The following PCDHGB3 variants were observed in gnomAD, a reference collection of about 807,000 sequenced individuals.
PCDHGB3 encodes protocadherin gamma-B3.
PCDHGB3 carries 40 observed loss-of-function variants against 59.2 expected under a neutral mutation model. The observed-to-expected ratio is 0.68, with a 90% CI of 0.52 to 0.88. The LOEUF is 0.88. Ranked by LOEUF, PCDHGB3 falls within the 40% of genes least tolerant of loss-of-function variation. The pLI is 0.00. For synonymous variants in PCDHGB3, 581 were observed against 503.6 expected, an observed-to-expected ratio of 1.15 and a Z score of -2.06; for missense variants, 1,309 against 1,187.9, an observed-to-expected ratio of 1.10 and a Z score of -1.50.
In PCDHGB3 at chr5:141,491,764, C is replaced by T; in HGVS notation, c.2416-3043C>T. The stretch of plus-strand genomic sequence containing the variant: ...CGGCACTGGAGAAGCCGCCCGTCCT[C>T]ATAAGGGATTGAACTTGCATCCACT... On this transcript the variant is annotated intron_variant, in intron 1 of 3. Transcript: ENST00000576222. The surrounding 1 kb of genome is among the most constrained non-coding windows in gnomAD (Gnocchi z 6.9). The T allele has an allele frequency of 6.4e-7, 1 of 1,570,206 alleles. No homozygotes were observed. Among genetic ancestry groups the T allele is most frequent in the Non-Finnish European group, 8.6e-7 (1 of 1,159,296 alleles).
rs777925358 is a variant in PCDHGB3 at position 141,477,657 on chromosome 5, G to T, written c.2416-17150G>T. ...GTGGGTCGCTATTTCACAATAAATC[G>T]TGACAATGGCATAGTGTCATCCTTA... On this transcript the variant is annotated intron_variant, in intron 1 of 3. Transcript: ENST00000576222. This position sits in a 1 kb window ranked among gnomAD's most constrained non-coding sequence, Gnocchi z 4.9. 6.8e-6 allele frequency: 11 copies of T among 1,614,072 alleles called. No individual in the cohort carries two copies. Among genetic ancestry groups the T allele is most frequent in the South Asian group, 2.2e-5 (2 of 91,090 alleles).
chr5:141,433,361 ATCT>A, intron 1 of PCDHGB3: 2 of 297,578 alleles, frequency 6.7e-6, no homozygotes, highest in Non-Finnish European at 1.3e-5. Context: ...CTGTCTGCCT[ATCT>A]ATCTATCTAT....
chr5:141,371,594 C>T lies in PCDHGB3; in HGVS notation c.1200C>T (p.Asn400=), dbSNP rs1767874002. The change falls in exon 1 of 4, where the codon AAC becomes AAT. Residue 400 remains asparagine (N), a synonymous_variant. Coordinates refer to ENST00000576222, the MANE Select transcript of PCDHGB3 (RefSeq NM_018924.5). ...TTAAAATCGTTCAAGATACCAAAAA[C>T]ACATACAGGTTGGTGACAGATGGAG... ...FPFKIVQDTK[N]TYRLVTDGAL... 6.2e-7 allele frequency: 1 copy of T among 1,613,990 alleles called. No homozygotes were observed. Among genetic ancestry groups the T allele is most frequent in the Middle Eastern group, 1.6e-4 (1 of 6,062 alleles).
intron 1 of PCDHGB3, chr5:141,395,735 A>T (rs1226671096): frequency 6.5e-6 from 1 of 153,508 alleles, no homozygotes; most frequent in East Asian, 1.9e-4. Context: ...TCTTCACTTT[A>T]AACCTCTTTT....
chr5:141,450,826 A>ATTTTT (rs764729742), intron 1 of PCDHGB3, among the ~76,000 whole-genome samples: 2 of 134,302 alleles, frequency 1.5e-5, no homozygotes, highest in African/African-American at 2.9e-5. Flanking sequence ...TATTATTATT[A>ATTTTT]TTATTTTTTT....
intron 1 of PCDHGB3, among the ~76,000 whole-genome samples, chr5:141,402,229 AG>A (rs1400203598): frequency 6.6e-6 from 1 of 152,110 alleles, no homozygotes; most frequent in Non-Finnish European, 1.5e-5. Context: ...ACGTTTTTCC[AG>A]GAATTTTATC....
At chr5:141,434,497 G>A (rs986672351) in intron 1 of PCDHGB3, among the ~76,000 whole-genome samples, 2 of 152,214 alleles carry the variant, frequency 1.3e-5, no homozygotes, top group African/African-American at 4.8e-5. Context: ...CCCGCCCAGG[G>A]CAGAAAACTG....
At chr5:141,378,717 A>AG (rs1263141486) in intron 1 of PCDHGB3, 3 of 152,242 alleles carry the variant, frequency 2.0e-5, no homozygotes, top group Non-Finnish European at 4.4e-5. Flanking sequence ...TTCATCATAT[A>AG]GGAACTCTTT....
chr5:141,428,658 T>G (rs932328483), intron 1 of PCDHGB3: 1 of 165,620 alleles, frequency 6.0e-6, no homozygotes, highest in Non-Finnish European at 1.3e-5. Flanking sequence ...TGAGTTCCAA[T>G]GAATGTCTTT....
chr5:141,446,138 T>C (rs1254949926), intron 1 of PCDHGB3, among the ~76,000 whole-genome samples: 1 of 152,208 alleles, frequency 6.6e-6, no homozygotes, highest in African/African-American at 2.4e-5. Context: ...GACTTAATAA[T>C]GGAATAGGTG....
At position 141,477,866 on chromosome 5, in the gene PCDHGB3, A is replaced by G; in HGVS notation, c.2416-16941A>G. ...CTCGGTGGAGATGCTGCCTCGAGGT[A>G]CCTCAGCTGGCCACCTAGTGTCACG... On this transcript the variant is annotated intron_variant, in intron 1 of 3. Coordinates refer to ENST00000576222, the MANE Select transcript of PCDHGB3 (RefSeq NM_018924.5). This position sits in a 1 kb window ranked among gnomAD's most constrained non-coding sequence, Gnocchi z 4.9. 1 of 1,614,072 alleles carries G rather than the reference A, an allele frequency of 6.2e-7. No homozygotes were observed. Among genetic ancestry groups the G allele is most frequent in the Non-Finnish European group, 8.5e-7 (1 of 1,179,988 alleles).
rs1482297743 is a variant in PCDHGB3 at position 141,403,937 on chromosome 5, G to A, written c.2415+31128G>A. 8 of 1,613,778 alleles carry A rather than the reference G, an allele frequency of 5.0e-6. No individual in the cohort carries two copies. The highest frequency in any genetic ancestry group is 6.8e-6 in the Non-Finnish European group (8 of 1,179,896). On this transcript the variant is annotated intron_variant, in intron 1 of 3. Transcript: ENST00000576222. ...AGCTGAAGATGGTGGGGGATTGAAA[G>A]GGTGGACAAAAGTGCTCATTTCGGT...
At chr5:141,383,870 G>A in intron 1 of PCDHGB3, 1 of 1,613,960 alleles carries the variant, frequency 6.2e-7, no homozygotes, top group Non-Finnish European at 8.5e-7. Context: ...GCTCAAGATG[G>A]TCCTGGTAGT....
At chr5:141,376,066 C>G in intron 1 of PCDHGB3, 1 of 1,613,396 alleles carries the variant, frequency 6.2e-7, no homozygotes, top group Non-Finnish European at 8.5e-7. Context: ...TCACGCTCAC[C>G]GTGGCCGTGG....
At chr5:141,469,415 A>C (rs2099200751) in intron 1 of PCDHGB3, among the ~76,000 whole-genome samples, 1 of 152,116 alleles carries the variant, frequency 6.6e-6, no homozygotes, top group Admixed American at 6.5e-5. Flanking sequence ...TTTCTACTAA[A>C]AATATAAAAC....
Position 141,511,843 on chromosome 5 carries a change from GT to G in PCDHGB3, c.*674del, listed in dbSNP as rs1413398495. On this transcript the variant is annotated 3_prime_UTR_variant, in exon 4 of 4. Coordinates refer to ENST00000576222, the MANE Select transcript of PCDHGB3 (RefSeq NM_018924.5). ...CCAACGCCCTGGGGACCAGTCTTCT[GT>G]TTTGTTTTTCATTGTTTGACGTTTC... 1 of 156,550 alleles carries G rather than the reference GT, an allele frequency of 6.4e-6. No individual in the cohort carries two copies. The highest frequency in any genetic ancestry group is 2.4e-5 in the African/African-American group (1 of 41,452). The allele number at this position is 156,550 out of a possible 1,614,324, so 9.7% of individuals were successfully genotyped here. A position where few individuals can be genotyped will look rare whatever the true frequency, so the allele number is the denominator to read the frequency against.
Position 141,393,390 on chromosome 5 carries a change from G to C in PCDHGB3, c.2415+20581G>C, listed in dbSNP as rs761230046. On this transcript the variant is annotated intron_variant, in intron 1 of 3. Coordinates refer to ENST00000576222, the MANE Select transcript of PCDHGB3 (RefSeq NM_018924.5). ...TGGAGACAATGGAGCCATAAACCCA[G>C]AGCTGGTGCTGGAGCGCGCCCTGGA... 24 of 1,613,882 alleles carry C rather than the reference G, an allele frequency of 1.5e-5. No homozygotes were observed. The South Asian group carries it at 2.5e-4, about 17-fold the overall frequency.
At chr5:141,435,902 A>G (rs896786345) in intron 1 of PCDHGB3, among the ~76,000 whole-genome samples, 1 of 152,194 alleles carries the variant, frequency 6.6e-6, no homozygotes, top group Non-Finnish European at 1.5e-5. Flanking sequence ...AATGAAAGAC[A>G]TCCAAGGGCT....
chr5:141,374,492 G>T (rs770971184), intron 1 of PCDHGB3: 1 of 1,611,364 alleles, frequency 6.2e-7, no homozygotes, highest in Non-Finnish European at 8.5e-7. Flanking sequence ...CTTAAAGGAA[G>T]AATTGGAAGT....
Sources: gnomAD v4.1 joint callset for allele counts (sites outside exome capture counted in the v4.1 genomes callset) on GRCh38, gnomAD v4.1.1 for gene constraint, Gnocchi (gnomAD v3.1) non-coding constraint, MANE v1.5 for transcripts, NCBI Gene and HGNC (gene_info 2026-07-23, HGNC 2026-07-21) for gene names.